SCHIP1: variants seen among roughly 807,000 people sequenced by gnomAD.
SCHIP1 encodes the protein schwannomin-interacting protein 1.
In SCHIP1, 8 loss-of-function variants were observed where a neutral mutation model predicts 29.7. The ratio of observed to expected loss-of-function variants is 0.27; its 90% CI spans 0.16 to 0.49. SCHIP1 has a LOEUF of 0.49. SCHIP1 is among the 20% of genes least tolerant of loss of function. SCHIP1 has a pLI of 0.99. For synonymous variants in SCHIP1, 76 were observed against 94.9 expected (o/e 0.80, Z 1.16); for missense variants, 193 against 294.6 (o/e 0.66, Z 2.52).
chr3:159,423,115 C>T, the SCHIP1 span, among the ~76,000 whole-genome samples: 1 of 152,214 alleles, frequency 6.6e-6, no homozygotes, highest in Non-Finnish European at 1.5e-5. Flanking sequence ...GTCTACAGCT[C>T]CCAGCGTGAG....
the SCHIP1 span, among the ~76,000 whole-genome samples, chr3:159,281,798 T>C: frequency 2.0e-5 from 3 of 152,310 alleles, no homozygotes; most frequent in Admixed American, 2.0e-4. Flanking sequence ...TTGTAATGTG[T>C]ATATTCATTT....
the SCHIP1 span, among the ~76,000 whole-genome samples, chr3:159,430,508 G>C: frequency 6.6e-6 from 1 of 152,108 alleles, no homozygotes; most frequent in Non-Finnish European, 1.5e-5. Flanking sequence ...GAACTTTTTT[G>C]TGCATATTGA....
At chr3:159,605,112 A>G in the SCHIP1 span, among the ~76,000 whole-genome samples, 1 of 152,244 alleles carries the variant, frequency 6.6e-6, no homozygotes, top group African/African-American at 2.4e-5. Flanking sequence ...AGCCCAAGCT[A>G]GAAGAGTTGA....
the SCHIP1 span, among the ~76,000 whole-genome samples, chr3:159,403,145 A>G: frequency 6.6e-6 from 1 of 152,198 alleles, no homozygotes; most frequent in African/African-American, 2.4e-5. Context: ...ATGGGCAAAT[A>G]AAATGTAGGG....
the SCHIP1 span, among the ~76,000 whole-genome samples, chr3:159,432,164 C>T: frequency 1.3e-5 from 2 of 152,140 alleles, no homozygotes; most frequent in South Asian, 4.2e-4. Context: ...ATAGATTGCT[C>T]TCACACAACA....
intron 4 of SCHIP1, 152 bp downstream of exon 5, chr3:159,888,057 T>A: frequency 9.0e-7 from 1 of 1,116,082 alleles, no homozygotes; most frequent in Non-Finnish European, 1.3e-6. Context: ...GTTTGTTTCT[T>A]TTTCCTTCCT....
the SCHIP1 span, among the ~76,000 whole-genome samples, chr3:159,479,937 C>T: frequency 1.1e-4 from 17 of 152,182 alleles, no homozygotes; most frequent in African/African-American, 3.6e-4. Flanking sequence ...TCTAGCTATA[C>T]TGTGGAGTTG....
At chr3:159,588,740 G>A in the SCHIP1 span, among the ~76,000 whole-genome samples, 1 of 152,116 alleles carries the variant, frequency 6.6e-6, no homozygotes, top group Non-Finnish European at 1.5e-5. Context: ...CCCATTTCTT[G>A]TTTTTGTCAG....
At chr3:159,299,221 T>C in the SCHIP1 span, among the ~76,000 whole-genome samples, 51,192 of 152,070 alleles carry the variant, frequency 0.34, 9,532 homozygotes, top group Non-Finnish European at 0.43. Flanking sequence ...TATACTTTGC[T>C]CTCTCAAAAC....
chr3:159,533,461 C>A, the SCHIP1 span, among the ~76,000 whole-genome samples: 2 of 152,108 alleles, frequency 1.3e-5, no homozygotes, highest in Non-Finnish European at 2.9e-5. Context: ...TGGAAAGGTG[C>A]TTTAATACAT....
At chr3:159,628,646 CA>C in the SCHIP1 span, among the ~76,000 whole-genome samples, 1 of 151,994 alleles carries the variant, frequency 6.6e-6, no homozygotes, top group African/African-American at 2.4e-5. Flanking sequence ...TATGAGAACC[CA>C]AAGGTATACC....
the SCHIP1 span, among the ~76,000 whole-genome samples, chr3:159,622,557 G>T: frequency 6.6e-6 from 1 of 152,086 alleles, no homozygotes; most frequent in Non-Finnish European, 1.5e-5. Context: ...ACAAGTGAAT[G>T]CTCAAAAATA....
chr3:159,725,544 C>T, the SCHIP1 span, among the ~76,000 whole-genome samples: 54 of 152,276 alleles, frequency 3.5e-4, no homozygotes, highest in Admixed American at 6.5e-4. Flanking sequence ...CAATCACAGG[C>T]GTGAGCCACC....
At chr3:159,333,654 A>G in the SCHIP1 span, among the ~76,000 whole-genome samples, 2 of 152,216 alleles carry the variant, frequency 1.3e-5, no homozygotes, top group African/African-American at 4.8e-5. Flanking sequence ...TCCTACACAT[A>G]TGGGCCTTCT....
At chr3:159,610,957 A>G in the SCHIP1 span, among the ~76,000 whole-genome samples, 22 of 152,248 alleles carry the variant, frequency 1.4e-4, no homozygotes, top group African/African-American at 5.3e-4. Flanking sequence ...CAGTTCACAG[A>G]TTTAAAAATA....
the SCHIP1 span, among the ~76,000 whole-genome samples, chr3:159,624,281 A>G: frequency 6.6e-6 from 1 of 152,192 alleles, no homozygotes; most frequent in Non-Finnish European, 1.5e-5. Context: ...AATGGAATCA[A>G]AGTAACCTGT....
chr3:159,621,657 T>C, the SCHIP1 span, among the ~76,000 whole-genome samples: 2 of 149,532 alleles, frequency 1.3e-5, no homozygotes, highest in Non-Finnish European at 2.9e-5. Flanking sequence ...TTTGTTGTTG[T>C]TGTTTTTGTT....
At chr3:159,506,321 A>G in the SCHIP1 span, among the ~76,000 whole-genome samples, 1 of 149,588 alleles carries the variant, frequency 6.7e-6, no homozygotes, top group Non-Finnish European at 1.5e-5. Context: ...GGATTGTTTT[A>G]TTTCTTGTAA....
chr3:159,434,396 T>C, the SCHIP1 span, among the ~76,000 whole-genome samples: 2 of 152,052 alleles, frequency 1.3e-5, no homozygotes, highest in Admixed American at 1.3e-4. Context: ...CAACTAATAG[T>C]GACCTAAACC....
Sources: allele counts gnomAD v4.1 joint callset (sites outside exome capture counted in the v4.1 genomes callset), GRCh38; gene constraint gnomAD v4.1.1; transcripts MANE v1.5; gene names NCBI Gene and HGNC (gene_info 2026-07-23, HGNC 2026-07-21).